GRM1: variants seen among roughly 807,000 people sequenced by gnomAD.
The protein encoded by GRM1 is glutamate metabotropic receptor 1.
Under a neutral mutation model 90.9 loss-of-function variants are expected in GRM1, and 33 were observed. That is an observed-to-expected ratio of 0.36 (90% CI 0.28 to 0.49). GRM1 has a LOEUF of 0.49. Among genes scored for constraint, GRM1 ranks in the 20% least tolerant of loss-of-function variants. The probability of loss-of-function intolerance (pLI) is 0.99; values close to 1 mark genes in which losing one functional copy is unlikely to be tolerated. For synonymous variants in GRM1, 700 were observed against 613.2 expected, an observed-to-expected ratio of 1.14 and a Z score of -2.09; for missense variants, 1,190 against 1,534.3, an observed-to-expected ratio of 0.78 and a Z score of 3.75.
At chr6:146,427,895 A>G (rs1778269680) in intron 7 of GRM1, among the ~76,000 whole-genome samples, 1 of 152,204 alleles carries the variant, frequency 6.6e-6, no homozygotes, top group African/African-American at 2.4e-5. Flanking sequence ...CTGCCTGTCA[A>G]AAAGGATTGA....
intron 5 of GRM1, among the ~76,000 whole-genome samples, chr6:146,380,638 G>A (rs149050125): frequency 9.1e-4 from 138 of 152,142 alleles, no homozygotes; most frequent in African/African-American, 3.0e-3. Flanking sequence ...GGCCATGCTG[G>A]TACTTAAGAC....
chr6:146,032,880 T>C (rs1390256145), intron 1 of GRM1, among the ~76,000 whole-genome samples: 2 of 152,212 alleles, frequency 1.3e-5, no homozygotes, highest in African/African-American at 4.8e-5. Flanking sequence ...CTTGAAATCA[T>C]ATTGTTTTTG....
chr6:146,428,145 G>A (rs1416513340), intron 7 of GRM1, among the ~76,000 whole-genome samples: 1 of 152,214 alleles, frequency 6.6e-6, no homozygotes, highest in African/African-American at 2.4e-5. Context: ...TAAAGGATTA[G>A]GAAGAGATAA....
intron 2 of GRM1, among the ~76,000 whole-genome samples, chr6:146,285,924 A>G (rs1218472846): frequency 1.3e-5 from 2 of 152,196 alleles, no homozygotes; most frequent in Non-Finnish European, 2.9e-5. Context: ...CATATTTTTA[A>G]TACGTTGAAT....
At chr6:146,355,074 A>G (rs962593627) in intron 4 of GRM1, among the ~76,000 whole-genome samples, 1 of 152,250 alleles carries the variant, frequency 6.6e-6, no homozygotes, top group African/African-American at 2.4e-5. Flanking sequence ...TAAAGGAAAA[A>G]GACATTCTAG....
chr6:146,235,706 G>T (rs1350132027), intron 2 of GRM1, among the ~76,000 whole-genome samples: 2 of 131,104 alleles, frequency 1.5e-5, no homozygotes, highest in Admixed American at 1.7e-4. Flanking sequence ...GTTACCGTGT[G>T]TGTGTGTGTG....
In GRM1 at chr6:146,105,504, T is replaced by C. The variant is rs182071957; in HGVS notation, c.701-53844T>C. On this transcript the variant is annotated intron_variant, in intron 1 of 7. Transcript: ENST00000282753. Reference sequence around the variant, plus strand: ...AAATCAGGTTTTTGAATAAACTTTGTTCATATTTGTCATTTTGTGAATACA... The same window carrying C: ...AAATCAGGTTTTTGAATAAACTTTGCTCATATTTGTCATTTTGTGAATACA... Among the ~76,000 whole-genome samples, 272 of 152,142 alleles carry C rather than the reference T, an allele frequency of 1.8e-3. 1 individual carries two copies. The highest frequency in any genetic ancestry group is 6.2e-3 in the African/African-American group (259 of 41,492).
intron 2 of GRM1, among the ~76,000 whole-genome samples, chr6:146,167,034 T>C (rs929035939): frequency 1.3e-5 from 2 of 152,106 alleles, no homozygotes; most frequent in Non-Finnish European, 2.9e-5. Flanking sequence ...TTGCACAATG[T>C]TTCTTAGTAC....
intron 1 of GRM1, among the ~76,000 whole-genome samples, chr6:146,075,722 T>C (rs1776161654): frequency 6.6e-6 from 1 of 152,234 alleles, no homozygotes; most frequent in Admixed American, 6.5e-5. Context: ...CTGAAACTTG[T>C]AGGAGAGAAT....
chr6:146,233,100 C>G (rs1357877424), intron 2 of GRM1, among the ~76,000 whole-genome samples: 1 of 151,964 alleles, frequency 6.6e-6, no homozygotes, highest in Non-Finnish European at 1.5e-5. Flanking sequence ...TTTTTCTGCT[C>G]TCAATGTCAT....
At chr6:146,402,651 AG>A (rs1777199461) in intron 7 of GRM1, among the ~76,000 whole-genome samples, 1 of 152,198 alleles carries the variant, frequency 6.6e-6, no homozygotes. Context: ...CTATAAACAC[AG>A]AACAGATGCT....
intron 1 of GRM1, among the ~76,000 whole-genome samples, chr6:146,099,242 C>G (rs1157610630): frequency 6.6e-6 from 1 of 152,040 alleles, no homozygotes; most frequent in Non-Finnish European, 1.5e-5. Context: ...CAAAAATTAG[C>G]CAGGTGTGGT....
chr6:146,119,318 T>C (rs1357660348), intron 1 of GRM1, among the ~76,000 whole-genome samples: 2 of 152,186 alleles, frequency 1.3e-5, no homozygotes, highest in African/African-American at 4.8e-5. Context: ...TTTGTTTGAG[T>C]TCTTTGTAGA....
chr6:146,123,324 A>T (rs189799564), intron 1 of GRM1, among the ~76,000 whole-genome samples: 19 of 152,306 alleles, frequency 1.2e-4, no homozygotes, highest in Admixed American at 7.8e-4. Context: ...ATTCTTGCAG[A>T]GAGTGAATTT....
chr6:146,158,942 C>G (rs1163882705), intron 1 of GRM1, among the ~76,000 whole-genome samples: 5 of 152,144 alleles, frequency 3.3e-5, no homozygotes, highest in African/African-American at 1.2e-4. Context: ...TGTCTCTTAA[C>G]CTGGCAGCCA....
At chr6:146,090,692 A>G (rs1370952622) in intron 1 of GRM1, among the ~76,000 whole-genome samples, 1 of 152,018 alleles carries the variant, frequency 6.6e-6, no homozygotes, top group Non-Finnish European at 1.5e-5. Context: ...CACTCCCTCA[A>G]CAGTTAAAAA....
intron 1 of GRM1, among the ~76,000 whole-genome samples, chr6:146,132,732 T>C (rs973501074): frequency 3.3e-5 from 5 of 152,218 alleles, no homozygotes; most frequent in African/African-American, 9.6e-5. Flanking sequence ...TTTTTTTCCC[T>C]GGGGAAGTCT....
At chr6:146,349,765 C>A (rs1414551943) in intron 3 of GRM1, among the ~76,000 whole-genome samples, 1 of 152,060 alleles carries the variant, frequency 6.6e-6, no homozygotes, top group African/African-American at 2.4e-5. Flanking sequence ...AAATATTTGT[C>A]AAATCCTTAA....
In GRM1 at chr6:146,232,400, TG is replaced by T. The variant is rs1416245001; in HGVS notation, c.951-72208del. Among the ~76,000 whole-genome samples, 9 of 152,194 alleles carry T rather than the reference TG, an allele frequency of 5.9e-5. No homozygotes were observed. In the East Asian group the frequency reaches 1.7e-3, roughly 29 times the overall value. On this transcript the variant is annotated intron_variant, in intron 2 of 7. Coordinates refer to ENST00000282753, the MANE Select transcript of GRM1 (RefSeq NM_001278064.2). ...AATTTTTTTAAATTTTTAACTTTTG[TG>T]GGTACATAGTAGATGCATATATTTA...
Sources: allele counts gnomAD v4.1 joint callset (sites outside exome capture counted in the v4.1 genomes callset), GRCh38; gene constraint gnomAD v4.1.1; transcripts MANE v1.5; gene names NCBI Gene and HGNC (gene_info 2026-07-23, HGNC 2026-07-21).